Variants in NAV2 observed in about 807,000 individuals in gnomAD.
NAV2 encodes the protein neuron navigator 2, also known as helicase, APC down-regulated 1.
A neutral mutation model predicts 223.2 loss-of-function variants in NAV2; 54 were observed. The observed-to-expected ratio is 0.24, with a 90% CI of 0.19 to 0.30. NAV2 has a LOEUF of 0.30. NAV2 is among the 10% of genes least tolerant of loss of function. NAV2 has a pLI of 1.00. For synonymous variants in NAV2, 1,279 were observed against 1,239.3 expected, an observed-to-expected ratio of 1.03 and a Z score of -0.67; for missense variants, 2,806 against 3,147.5, an observed-to-expected ratio of 0.89 and a Z score of 2.60.
At chr11:19,758,028 T>C (rs1300426876) in intron 1 of NAV2, among the ~76,000 whole-genome samples, 1 of 152,232 alleles carries the variant, frequency 6.6e-6, no homozygotes, top group Non-Finnish European at 1.5e-5. Flanking sequence ...ACATTGTCTC[T>C]AATCCTCACA....
intron 1 of NAV2, among the ~76,000 whole-genome samples, chr11:19,631,840 GC>G (rs752607610): frequency 6.0e-4 from 92 of 152,334 alleles, no homozygotes; most frequent in Non-Finnish European, 1.1e-3. Flanking sequence ...GTGATTAGGA[GC>G]CTGTGTGCTG....
intron 14 of NAV2, among the ~76,000 whole-genome samples, chr11:20,046,344 A>G (rs929879827): frequency 1.3e-5 from 2 of 152,052 alleles, no homozygotes; most frequent in African/African-American, 4.8e-5. Context: ...TCAAAAAAAA[A>G]AAAAAAAGAA....
chr11:19,664,524 C>T (rs558657181), intron 1 of NAV2, among the ~76,000 whole-genome samples: 13 of 152,298 alleles, frequency 8.5e-5, no homozygotes, highest in African/African-American at 3.1e-4. Context: ...ATGGGAGAAG[C>T]ACCAAGCCAA....
chr11:19,453,417 C>G (rs926056821), intron 1 of NAV2, among the ~76,000 whole-genome samples: 1 of 152,158 alleles, frequency 6.6e-6, no homozygotes, highest in East Asian at 1.9e-4. Flanking sequence ...AAAGTGCTAC[C>G]GGGCAGCAAG....
chr11:20,054,853 A>T (rs1341493893), intron 18 of NAV2, among the ~76,000 whole-genome samples: 1 of 152,262 alleles, frequency 6.6e-6, no homozygotes, highest in Non-Finnish European at 1.5e-5. Context: ...AGACAAACAC[A>T]TCAATGCACA....
At position 19,489,540 on chromosome 11, in the gene NAV2, T is replaced by A. The variant is rs2042554801; in HGVS notation, c.75+138513T>A. 8.5e-5 allele frequency among the ~76,000 whole-genome samples: 13 copies of A among 152,290 alleles called. No homozygotes were observed. The South Asian group carries it at 2.7e-3, about 32-fold the overall frequency. On this transcript the variant is annotated intron_variant, in intron 1 of 37. Coordinates refer to the NAV2 transcript ENST00000360655. ...TTCATCCATTAAATGAGGGTCACAG[T>A]CTCTGACTTACAGGAGCACATCTTG...
chr11:19,394,255 G>C (rs1165424892), intron 1 of NAV2, among the ~76,000 whole-genome samples: 1 of 152,000 alleles, frequency 6.6e-6, no homozygotes, highest in Non-Finnish European at 1.5e-5. Flanking sequence ...TGGGAAAGAG[G>C]GTATTTCCCA....
rs373604593 is a variant in NAV2, at chr11:19,877,128, T to G, written c.512-2741T>G. Among the ~76,000 whole-genome samples, 19 of 152,136 alleles carry G rather than the reference T, an allele frequency of 1.2e-4. No homozygotes were observed. The East Asian group carries it at 3.7e-3, about 29-fold the overall frequency. On this transcript the variant is annotated intron_variant, in intron 4 of 37. Transcript: ENST00000349880. ...TAGATTCAAATCCCAGCTCCAGTGT[T>G]TATGACCTTGGACAAGTCATAAAAC...
intron 28 of NAV2, among the ~76,000 whole-genome samples, chr11:20,092,586 C>T (rs1160779538): frequency 6.6e-6 from 1 of 152,148 alleles, no homozygotes; most frequent in Non-Finnish European, 1.5e-5. Context: ...CCAAATTCTC[C>T]AAGCCCTGAG....
Position 19,713,568 on chromosome 11 carries a change from T to A in NAV2, c.-128T>A. ...TTCCCCGACCTGGGGATTTTTTTTT[T>A]AGCCGCTGGTGGTGGGCGCCTCGTG... On this transcript the variant is annotated 5_prime_UTR_variant, in exon 1 of 38. Coordinates refer to ENST00000349880, the MANE Select transcript of NAV2 (RefSeq NM_145117.5). This position sits in a 1 kb window ranked among gnomAD's most constrained non-coding sequence, Gnocchi z 7.2. 7.1e-7 allele frequency: 1 copy of A among 1,400,100 alleles called. No individual in the cohort carries two copies. The allele number at this position is 1,400,100 out of a possible 1,614,324, so 86.7% of individuals were successfully genotyped here.
intron 1 of NAV2, among the ~76,000 whole-genome samples, chr11:19,498,510 A>G (rs2042868577): frequency 6.6e-6 from 1 of 152,202 alleles, no homozygotes; most frequent in Non-Finnish European, 1.5e-5. Flanking sequence ...TGACATACAG[A>G]AGGTATTCAA....
intron 2 of NAV2, among the ~76,000 whole-genome samples, chr11:19,833,052 G>T (rs2060035262): frequency 6.6e-6 from 1 of 152,250 alleles, no homozygotes; most frequent in Admixed American, 6.5e-5. Flanking sequence ...ACTCCAGAGA[G>T]GATTAGATGG....
intron 11 of NAV2, among the ~76,000 whole-genome samples, chr11:20,009,764 G>A (rs920335708): frequency 2.0e-5 from 3 of 151,822 alleles, no homozygotes; most frequent in Non-Finnish European, 4.4e-5. Flanking sequence ...CTTCCCCAAC[G>A]CCCCAAACCA....
intron 1 of NAV2, among the ~76,000 whole-genome samples, chr11:19,652,549 C>A (rs542933578): frequency 1.6e-4 from 24 of 152,196 alleles, no homozygotes; most frequent in Non-Finnish European, 5.9e-5. Flanking sequence ...TTCTTCCCCC[C>A]ACTCCACGCC....
chr11:19,971,136 C>A (rs1305775286), intron 10 of NAV2, among the ~76,000 whole-genome samples: 2 of 152,138 alleles, frequency 1.3e-5, no homozygotes, highest in East Asian at 3.9e-4. Flanking sequence ...AGCACATCAT[C>A]TGGTTTTGGG....
intron 1 of NAV2, among the ~76,000 whole-genome samples, chr11:19,421,193 A>G (rs1850597569): frequency 6.6e-6 from 1 of 152,170 alleles, no homozygotes; most frequent in African/African-American, 2.4e-5. Flanking sequence ...TCTCAGCTGC[A>G]TCCCAAATGG....
intron 1 of NAV2, among the ~76,000 whole-genome samples, chr11:19,413,304 C>A (rs752338354): frequency 5.9e-5 from 9 of 152,026 alleles, no homozygotes; most frequent in Non-Finnish European, 1.3e-4. Context: ...CCAAATCAAT[C>A]AAGTGGAAGA....
chr11:20,048,706 A>G, intron 14 of NAV2, 22 bp from the exon 15 acceptor site: 1 of 1,607,686 alleles, frequency 6.2e-7, no homozygotes, highest in Non-Finnish European at 8.5e-7. Context: ...TTCAACCTAC[A>G]CAACCCTTTG....
chr11:19,934,756 C>T (rs981920146), intron 7 of NAV2, among the ~76,000 whole-genome samples: 3 of 152,146 alleles, frequency 2.0e-5, no homozygotes, highest in African/African-American at 7.2e-5. Context: ...TCCTCACAGT[C>T]CCTGCTGAGT....
Sources: gnomAD v4.1 joint callset for allele counts (sites outside exome capture counted in the v4.1 genomes callset) on GRCh38, gnomAD v4.1.1 for gene constraint, Gnocchi (gnomAD v3.1) non-coding constraint, MANE v1.5 for transcripts, NCBI Gene and HGNC (gene_info 2026-07-23, HGNC 2026-07-21) for gene names.